Variants in AUTS2 observed in about 807,000 individuals in gnomAD.
AUTS2 encodes autism susceptibility gene 2 protein.
AUTS2 carries 17 observed loss-of-function variants against 112.4 expected under a neutral mutation model. The ratio of observed to expected loss-of-function variants is 0.15; its 90% CI spans 0.10 to 0.23. The LOEUF is 0.23. Ranked by LOEUF, AUTS2 falls within the 10% of genes least tolerant of loss-of-function variation. The pLI is 1.00. For missense variants in AUTS2, 1,510 were observed against 1,701.6 expected, an observed-to-expected ratio of 0.89 and a Z score of 1.98; for synonymous variants, 751 against 702.7, an observed-to-expected ratio of 1.07 and a Z score of -1.09.
intron 6 of AUTS2, among the ~76,000 whole-genome samples, chr7:70,703,053 C>A (rs1809543876): frequency 6.6e-6 from 1 of 152,188 alleles, no homozygotes; most frequent in Admixed American, 6.5e-5. Flanking sequence ...AGCGATACTG[C>A]TGGCTTAGTA....
intron 5 of AUTS2, among the ~76,000 whole-genome samples, chr7:70,643,271 T>C (rs1805949987): frequency 6.6e-6 from 1 of 152,156 alleles, no homozygotes; most frequent in Non-Finnish European, 1.5e-5. Context: ...ACACGGAACA[T>C]TAAAAATGTG....
chr7:69,890,171 C>T (rs926622259), intron 1 of AUTS2, among the ~76,000 whole-genome samples: 7 of 152,056 alleles, frequency 4.6e-5, no homozygotes, highest in African/African-American at 9.7e-5. Flanking sequence ...CTACTTTGAG[C>T]GTGTTAAGGT....
intron 1 of AUTS2, among the ~76,000 whole-genome samples, chr7:69,844,384 C>A (rs1188205154): frequency 1.3e-5 from 2 of 152,062 alleles, no homozygotes; most frequent in African/African-American, 4.8e-5. Flanking sequence ...CAAACAAATC[C>A]AAAATGTGCC....
intron 4 of AUTS2, among the ~76,000 whole-genome samples, chr7:70,177,429 C>A (rs752457096): frequency 6.6e-6 from 1 of 152,168 alleles, no homozygotes; most frequent in African/African-American, 2.4e-5. Flanking sequence ...TGAATGTGTG[C>A]GTGGTGGTTA....
intron 4 of AUTS2, among the ~76,000 whole-genome samples, chr7:70,190,889 T>A (rs1254738743): frequency 1.3e-5 from 2 of 152,164 alleles, no homozygotes; most frequent in African/African-American, 4.8e-5. Context: ...ACCATTTAAA[T>A]ACACTTTGTT....
At chr7:70,678,086 A>T (rs893360048) in intron 5 of AUTS2, among the ~76,000 whole-genome samples, 42 of 152,066 alleles carry the variant, frequency 2.8e-4, no homozygotes, top group Non-Finnish European at 4.9e-4. Context: ...TGCCTCAAAA[A>T]AAATTAATAA....
chr7:70,376,619 C>T (rs1251552012), intron 4 of AUTS2, among the ~76,000 whole-genome samples: 1 of 151,372 alleles, frequency 6.6e-6, no homozygotes, highest in Non-Finnish European at 1.5e-5. Flanking sequence ...TCCCTGGAGC[C>T]CTGCTCTCCT....
In AUTS2 at chr7:69,712,840, G is replaced by T. The variant is rs571036874; in HGVS notation, c.309+112878G>T. ...GTACCATTTTACATTCCCACTAGCA[G>T]TGTATGACAGTTCTAGTTCCTTCAC... On this transcript the variant is annotated intron_variant, in intron 1 of 18. Transcript: ENST00000342771. Among the ~76,000 whole-genome samples, 3 of 152,158 alleles carry T rather than the reference G, an allele frequency of 2.0e-5. No individual in the cohort carries two copies. The South Asian group carries it at 6.2e-4, about 31-fold the overall frequency.
chr7:70,258,952 C>A (rs1242571950), intron 4 of AUTS2, among the ~76,000 whole-genome samples: 2 of 152,146 alleles, frequency 1.3e-5, no homozygotes, highest in African/African-American at 4.8e-5. Context: ...AGGAGTAGCA[C>A]AGAACAGCAC....
chr7:70,507,770 C>T (rs187655363), intron 5 of AUTS2, among the ~76,000 whole-genome samples: 19 of 152,168 alleles, frequency 1.2e-4, no homozygotes, highest in African/African-American at 3.6e-4. Flanking sequence ...GTACTCCAGC[C>T]TAGGTGATGG....
chr7:69,715,706 G>A (rs1798576910), intron 1 of AUTS2, among the ~76,000 whole-genome samples: 1 of 152,210 alleles, frequency 6.6e-6, no homozygotes, highest in African/African-American at 2.4e-5. Flanking sequence ...AGATGATAAT[G>A]TGACCAACAG....
intron 4 of AUTS2, among the ~76,000 whole-genome samples, chr7:70,341,509 C>G (rs910032639): frequency 2.6e-5 from 4 of 152,188 alleles, no homozygotes; most frequent in Non-Finnish European, 5.9e-5. Flanking sequence ...GAATTTAACA[C>G]AGTGACAACT....
chr7:70,171,832 C>G (rs1808707514), intron 4 of AUTS2, among the ~76,000 whole-genome samples: 1 of 151,596 alleles, frequency 6.6e-6, no homozygotes, highest in African/African-American at 2.4e-5. Context: ...CATTGGCAAT[C>G]TAGATTTCTA....
intron 1 of AUTS2, among the ~76,000 whole-genome samples, chr7:69,807,884 C>T (rs997123954): frequency 6.6e-6 from 1 of 150,986 alleles, no homozygotes; most frequent in Admixed American, 6.6e-5. Flanking sequence ...TTCTGTTAGT[C>T]AGAAGCAGGT....
At chr7:70,524,786 C>T (rs1799774490) in intron 5 of AUTS2, among the ~76,000 whole-genome samples, 1 of 152,206 alleles carries the variant, frequency 6.6e-6, no homozygotes, top group Admixed American at 6.6e-5. Context: ...GATTGATTAA[C>T]ATCAATAGGA....
chr7:70,140,639 C>T (rs894362214), intron 4 of AUTS2, among the ~76,000 whole-genome samples: 1 of 152,088 alleles, frequency 6.6e-6, no homozygotes, highest in African/African-American at 2.4e-5. Context: ...AGATAAATAA[C>T]ATTAAGTATT....
At position 70,311,957 on chromosome 7, in the gene AUTS2, G is replaced by A. The variant is rs28498686; in HGVS notation, c.661-123795G>A. On this transcript the variant is annotated intron_variant, in intron 4 of 18. Coordinates refer to ENST00000342771, the MANE Select transcript of AUTS2 (RefSeq NM_015570.4). The stretch of plus-strand genomic sequence containing the variant: ...TCTTGATCTCTTGACCTCGTGATCC[G>A]CCCGCCTTGGCCTCCCAAAGTGCTG... Among the ~76,000 whole-genome samples the A allele has an allele frequency of 2.3e-3, 350 of 152,246 alleles. 1 individual carries two copies. The highest frequency in any genetic ancestry group is 8.1e-3 in the African/African-American group (338 of 41,556).
chr7:70,089,334 A>G (rs1467115041), intron 2 of AUTS2, among the ~76,000 whole-genome samples: 3 of 152,020 alleles, frequency 2.0e-5, no homozygotes, highest in African/African-American at 7.2e-5. Flanking sequence ...AGGACATTTA[A>G]GATTGTTGTA....
chr7:69,751,138 C>G, intron 1 of AUTS2, among the ~76,000 whole-genome samples: 1 of 152,144 alleles, frequency 6.6e-6, no homozygotes, highest in East Asian at 1.9e-4. Context: ...TAAGAATGAT[C>G]ACCTGACCAA....
Sources: allele counts gnomAD v4.1 joint callset (sites outside exome capture counted in the v4.1 genomes callset), GRCh38; gene constraint gnomAD v4.1.1; transcripts MANE v1.5; gene names NCBI Gene and HGNC (gene_info 2026-07-23, HGNC 2026-07-21).